The following PPP2R2B variants were observed in gnomAD, a reference collection of about 807,000 sequenced individuals.
The protein encoded by PPP2R2B is protein phosphatase 2 regulatory subunit Bbeta.
A neutral mutation model predicts 46.0 loss-of-function variants in PPP2R2B; 5 were observed. The ratio of observed to expected loss-of-function variants is 0.11; its 90% confidence interval spans 0.06 to 0.23. The LOEUF is 0.23. Among genes scored for constraint, PPP2R2B ranks in the 10% least tolerant of loss-of-function variants. PPP2R2B has a pLI of 1.00. For missense variants in PPP2R2B, 367 were observed against 575.0 expected (o/e 0.64, Z 3.70); for synonymous variants, 215 against 206.7 (o/e 1.04, Z -0.34).
intron 7 of PPP2R2B, among the ~76,000 whole-genome samples, chr5:146,615,794 A>G (rs1455795265): frequency 1.3e-5 from 2 of 152,196 alleles, no homozygotes; most frequent in African/African-American, 2.4e-5. Context: ...GGAAGAATCA[A>G]TACTGCTAAA....
intron 1 of PPP2R2B, among the ~76,000 whole-genome samples, chr5:146,913,118 T>C (rs1763252210): frequency 1.3e-5 from 2 of 152,226 alleles, no homozygotes; most frequent in Non-Finnish European, 2.9e-5. Context: ...TAAGATGTTC[T>C]GAAGGCAAGA....
chr5:146,751,481 T>A (rs141175428), intron 2 of PPP2R2B: 1 of 152,388 alleles, frequency 6.6e-6, no homozygotes, highest in African/African-American at 2.4e-5. Context: ...CTCTCCTTAT[T>A]CCTGTCTTCT....
chr5:146,934,840 T>C (rs895148765), intron 1 of PPP2R2B, among the ~76,000 whole-genome samples: 3 of 151,852 alleles, frequency 2.0e-5, no homozygotes, highest in Non-Finnish European at 4.4e-5. Context: ...TTCTTCCAGA[T>C]CACCAGCTGA....
intron 2 of PPP2R2B, among the ~76,000 whole-genome samples, chr5:147,070,983 C>T (rs1029841784): frequency 1.3e-5 from 2 of 151,804 alleles, no homozygotes; most frequent in African/African-American, 2.4e-5. Context: ...AGCGAGACTC[C>T]GTCTTGAAAA....
At chr5:146,632,164 T>C (rs1284838256) in intron 7 of PPP2R2B, among the ~76,000 whole-genome samples, 2 of 142,650 alleles carry the variant, frequency 1.4e-5, no homozygotes, top group Non-Finnish European at 3.0e-5. Flanking sequence ...TAAAATAAGG[T>C]AATCAGGGTG....
At chr5:146,590,265 T>C (rs1395633803) in intron 9 of PPP2R2B, 39 bp from the exon 10 acceptor site, 6 of 1,477,936 alleles carry the variant, frequency 4.1e-6, no homozygotes, top group Non-Finnish European at 4.5e-6. Context: ...ATATCTTCAC[T>C]GTCTTTTCTT....
At chr5:146,720,194 C>A (rs1780716648) in intron 2 of PPP2R2B, among the ~76,000 whole-genome samples, 1 of 152,190 alleles carries the variant, frequency 6.6e-6, no homozygotes. Flanking sequence ...TTTATCCACA[C>A]AACGTTAGGT....
chr5:146,806,279 G>T (rs1054898552), intron 2 of PPP2R2B, among the ~76,000 whole-genome samples: 1 of 152,164 alleles, frequency 6.6e-6, no homozygotes, highest in Non-Finnish European at 1.5e-5. Context: ...AAGAAACTGT[G>T]CATCTCAGGC....
In PPP2R2B at chr5:146,924,379, G is replaced by A. The variant is rs142606978; in HGVS notation, c.79+131286C>T. Among the ~76,000 whole-genome samples the A allele has an allele frequency of 1.9e-3, 282 of 152,304 alleles. 1 individual carries two copies. Among genetic ancestry groups the A allele is most frequent in the African/African-American group, 6.4e-3 (265 of 41,570 alleles). On this transcript the variant is annotated intron_variant, in intron 1 of 8. Coordinates refer to the PPP2R2B transcript ENST00000336640. ...TCAATGCAAAACCATCTTCACCAAA[G>A]TATAATGGTAGCTGCCTGAAGTTGA...
chr5:146,650,329 A>G (rs1775869931), intron 6 of PPP2R2B, among the ~76,000 whole-genome samples: 1 of 152,176 alleles, frequency 6.6e-6, no homozygotes, highest in African/African-American at 2.4e-5. Context: ...CAGAGTCCCA[A>G]TCCAGAGCTA....
chr5:147,063,954 C>G (rs1294949414), intron 2 of PPP2R2B, among the ~76,000 whole-genome samples: 1 of 152,128 alleles, frequency 6.6e-6, no homozygotes, highest in Non-Finnish European at 1.5e-5. Flanking sequence ...TTCTGAGAGG[C>G]CATAATAGTA....
intron 1 of PPP2R2B, among the ~76,000 whole-genome samples, chr5:146,886,072 C>G (rs1762312578): frequency 6.6e-6 from 1 of 152,182 alleles, no homozygotes; most frequent in African/African-American, 2.4e-5. Flanking sequence ...GGCGCGGTGG[C>G]TCACGCCTGT....
chr5:147,012,225 G>A (rs1228450700), intron 1 of PPP2R2B, among the ~76,000 whole-genome samples: 1 of 152,044 alleles, frequency 6.6e-6, no homozygotes, highest in Non-Finnish European at 1.5e-5. Flanking sequence ...TTTTTGGTTG[G>A]TAAGCTATTG....
At chr5:146,781,502 A>G (rs1755530011) in intron 2 of PPP2R2B, among the ~76,000 whole-genome samples, 1 of 151,876 alleles carries the variant, frequency 6.6e-6, no homozygotes, top group South Asian at 2.1e-4. Flanking sequence ...TATTTGAAAA[A>G]CTGTGGTGCT....
chr5:146,995,063 C>T lies in PPP2R2B; in HGVS notation c.79+60602G>A, dbSNP rs564651856. On this transcript the variant is annotated intron_variant, in intron 1 of 8. Coordinates refer to the PPP2R2B transcript ENST00000336640. Reference sequence around the variant, plus strand: ...TTTAAGTCACCACTGTCTCACCTGTCTTACCTTTGAGTTTCCACAATTCTG... The same window carrying T: ...TTTAAGTCACCACTGTCTCACCTGTTTTACCTTTGAGTTTCCACAATTCTG... 3.3e-5 allele frequency among the ~76,000 whole-genome samples: 5 copies of T among 152,296 alleles called. No homozygotes were observed. The South Asian group carries it at 1.0e-3, about 32-fold the overall frequency.
chr5:146,657,231 G>A (rs1479922810), intron 5 of PPP2R2B, among the ~76,000 whole-genome samples: 3 of 152,146 alleles, frequency 2.0e-5, no homozygotes, highest in African/African-American at 7.2e-5. Flanking sequence ...GCGCCTTCAT[G>A]AGAGGAGTTT....
At chr5:146,848,739 T>TG (rs1760158052) in intron 2 of PPP2R2B, among the ~76,000 whole-genome samples, 1 of 152,148 alleles carries the variant, frequency 6.6e-6, no homozygotes, top group Admixed American at 6.6e-5. Context: ...TAGAAAGAAG[T>TG]CATGATGTAC....
At chr5:146,706,031 G>A (rs1779820827) in intron 2 of PPP2R2B, among the ~76,000 whole-genome samples, 1 of 151,906 alleles carries the variant, frequency 6.6e-6, no homozygotes, top group African/African-American at 2.4e-5. Flanking sequence ...TGTGGCTGGA[G>A]GCATGGGCAA....
At chr5:146,852,931 G>T (rs1235336968) in intron 2 of PPP2R2B, among the ~76,000 whole-genome samples, 8 of 152,080 alleles carry the variant, frequency 5.3e-5, no homozygotes, top group Non-Finnish European at 1.0e-4. Context: ...TTAGAGCTTT[G>T]GATTATCAGC....
Sources: allele counts gnomAD v4.1 joint callset (sites outside exome capture counted in the v4.1 genomes callset), GRCh38; gene constraint gnomAD v4.1.1; transcripts MANE v1.5; gene names NCBI Gene and HGNC (gene_info 2026-07-23, HGNC 2026-07-21).